Variants in SMG1 observed in about 807,000 individuals in gnomAD.
SMG1 encodes serine/threonine-protein kinase SMG1.
Under a neutral mutation model 419.9 loss-of-function variants are expected in SMG1, and 22 were observed. The ratio of observed to expected loss-of-function variants is 0.05; its 90% CI spans 0.04 to 0.07. The LOEUF is 0.07. SMG1 is among the 10% of genes least tolerant of loss of function. The pLI is 1.00. For missense variants in SMG1, 3,185 were observed against 4,342.0 expected (o/e 0.73, Z 7.49); for synonymous variants, 1,538 against 1,553.5 (o/e 0.99, Z 0.23).
chr16:18,832,285 T>C (rs1433763032), intron 51 of SMG1, among the ~76,000 whole-genome samples: 2 of 152,242 alleles, frequency 1.3e-5, no homozygotes, highest in Admixed American at 6.5e-5. Context: ...GTACAATGCA[T>C]GTCTGCAGGA....
At chr16:18,888,492 T>C (rs1324300308) in intron 6 of SMG1, among the ~76,000 whole-genome samples, 1 of 151,962 alleles carries the variant, frequency 6.6e-6, no homozygotes, top group Non-Finnish European at 1.5e-5. Flanking sequence ...TTTTTTTTTT[T>C]TGAGACAGAG....
chr16:18,925,663 C>T (rs2038366450), intron 1 of SMG1: 1 of 225,824 alleles, frequency 4.4e-6, no homozygotes, highest in Non-Finnish European at 8.6e-6. Flanking sequence ...CACCCCCACC[C>T]CCGCCTCTTT....
intron 3 of SMG1, among the ~76,000 whole-genome samples, chr16:18,895,742 C>T: frequency 6.6e-6 from 1 of 151,830 alleles, no homozygotes; most frequent in Non-Finnish European, 1.5e-5. Context: ...TCTATATCCT[C>T]CACAGGCCCA....
intron 38 of SMG1, among the ~76,000 whole-genome samples, chr16:18,847,034 C>G (rs930181875): frequency 1.4e-5 from 2 of 146,302 alleles, no homozygotes; most frequent in East Asian, 4.0e-4. Context: ...TATAATCATA[C>G]AGTATTATTC....
intron 24 of SMG1, 66 bp from the exon 25 acceptor site, chr16:18,863,917 A>C: frequency 6.3e-7 from 1 of 1,578,530 alleles, no homozygotes. Context: ...CAAAGAGCAC[A>C]GAAACCTAAA....
chr16:18,884,977 T>G, intron 8 of SMG1, 113 bp downstream of exon 8: 1 of 650,078 alleles, frequency 1.5e-6, no homozygotes, highest in East Asian at 2.8e-5. Flanking sequence ...AAAACATTTC[T>G]CTGAATTAGT....
chr16:18,873,038 C>A (rs1316408240), intron 13 of SMG1, among the ~76,000 whole-genome samples: 1 of 151,986 alleles, frequency 6.6e-6, no homozygotes, highest in African/African-American at 2.4e-5. Flanking sequence ...CTTGTAATCC[C>A]AGCTACTCGG....
intron 1 of SMG1, among the ~76,000 whole-genome samples, chr16:18,903,213 T>C (rs531721440): frequency 3.4e-4 from 52 of 152,320 alleles, no homozygotes; most frequent in African/African-American, 1.1e-3. Context: ...GAACCTCTAA[T>C]ATTCTCTATT....
rs775188283 is a variant in SMG1 at position 18,830,325 on chromosome 16, C to T, written c.8837G>A (p.Gly2946Asp). The change falls in exon 52 of 63, where the codon GGT becomes GAT. Residue 2946 changes from glycine to aspartate, a missense_variant. Gly to Asp is a moderately conservative substitution (Grantham distance 94, BLOSUM62 -1). Coordinates refer to ENST00000446231, the MANE Select transcript of SMG1 (RefSeq NM_015092.5). ...CATTTTGGGTGTTTCATCAACTGAA[C>T]CATTTCTCGGTTGGATTAATTCACC... is the stretch of plus-strand genomic sequence containing the variant. ...QYGELIQPRNGSVDETPKMSA... is the reference protein window; with the variant it reads ...QYGELIQPRNDSVDETPKMSA... 2.4e-5 allele frequency: 39 copies of T among 1,613,796 alleles called. No individual in the cohort carries two copies. The highest frequency in any genetic ancestry group is 6.7e-5 in the Admixed American group (4 of 59,988).
Position 18,853,887 on chromosome 16 carries a change from C to T in SMG1, c.4484-20G>A, listed in dbSNP as rs1567372165. ...ACTGGCCTACAGAAAACCACAAAGT[C>T]AGAACTTAGAACCTTTAAAAGCAAA... On this transcript the variant is annotated intron_variant, in intron 30 of 62. Transcript: ENST00000446231. 6.3e-7 allele frequency: 1 copy of T among 1,589,894 alleles called. No individual in the cohort carries two copies. Among genetic ancestry groups the T allele is most frequent in the Non-Finnish European group, 8.6e-7 (1 of 1,166,754 alleles).
Position 18,832,929 on chromosome 16 carries a change from C to T in SMG1, c.8792+11G>A. 1 of 1,604,684 alleles carries T rather than the reference C, an allele frequency of 6.2e-7. No homozygotes were observed. Among genetic ancestry groups the T allele is most frequent in the East Asian group, 2.2e-5 (1 of 44,858 alleles). ...TTTTACAAGGAAACGGCACAGCCAG[C>T]ATTCACTTGCCTGGCAACATCGATG... is the stretch of plus-strand genomic sequence containing the variant. On this transcript the variant is annotated intron_variant, in intron 51 of 62. Transcript: ENST00000446231.
At position 18,870,512 on chromosome 16, in the gene SMG1, T is replaced by C; in HGVS notation, c.2492+98A>G. ...AAACAGGGCCATAAAAGATGTGTCATTAATGCTCTAATAGGTGATCTGTCT... is the reference window on the plus strand; with the variant it reads ...AAACAGGGCCATAAAAGATGTGTCACTAATGCTCTAATAGGTGATCTGTCT... On this transcript the variant is annotated intron_variant, in intron 18 of 62. Coordinates refer to ENST00000446231, the MANE Select transcript of SMG1 (RefSeq NM_015092.5). 4 of 707,150 alleles carry C rather than the reference T, an allele frequency of 5.7e-6. No homozygotes were observed. In the East Asian group the frequency reaches 1.1e-4, roughly 19 times the overall value. The allele number at this position is 707,150 out of a possible 1,614,324, so 43.8% of individuals were successfully genotyped here.
Position 18,845,562 on chromosome 16 carries a change from G to T in SMG1, c.6086C>A (p.Ala2029Glu). ...TTCATGAGGTGTTTCTGCAGGAGCC[G>T]CTGTGATACTCCTCACATGCTCCAA... ...FALEHVRSIT[A>E]APAETPHEKW... Residue 2029 changes from alanine to glutamate, a missense_variant, in exon 39 of 63, where the codon GCG (alanine) becomes GAG (glutamate). Physicochemically the swap from Ala to Glu is moderately radical, Grantham distance 107 (BLOSUM62 -1). Transcript: ENST00000446231. The T allele has an allele frequency of 6.2e-7, 1 of 1,613,770 alleles. No homozygotes were observed. The highest frequency in any genetic ancestry group is 8.5e-7 in the Non-Finnish European group (1 of 1,179,848).
intron 6 of SMG1, among the ~76,000 whole-genome samples, chr16:18,885,912 C>G (rs1201264671): frequency 6.6e-6 from 1 of 151,962 alleles, no homozygotes; most frequent in Non-Finnish European, 1.5e-5. Flanking sequence ...CACTGCTGCA[C>G]TCCAGCCTGG....
Position 18,829,647 on chromosome 16 carries a change from G to A in SMG1, c.9242C>T (p.Pro3081Leu), listed in dbSNP as rs1287040728. The A allele has an allele frequency of 1.2e-6, 2 of 1,613,880 alleles. No homozygotes were observed. Among genetic ancestry groups the A allele is most frequent in the African/African-American group, 2.7e-5 (2 of 74,924 alleles). The stretch of plus-strand genomic sequence containing the variant: ...AAAGTCAGCTGTGAATGCCTTGATA[G>A]GTTTGGCCATTTGGTCTTCACTGAA... ...SCFSEDQMAK[P>L]IKAFTADFVR... The change falls in exon 54 of 63, where the codon CCT becomes CTT. Residue 3081 changes from proline (P) to leucine (L), a missense_variant. Coordinates refer to ENST00000446231, the MANE Select transcript of SMG1 (RefSeq NM_015092.5).
chr16:18,911,701 T>C (rs1028457520), intron 1 of SMG1: 5 of 152,112 alleles, frequency 3.3e-5, no homozygotes, highest in East Asian at 1.9e-4. Flanking sequence ...CAAAAGATCT[T>C]TGTCTTCCCA....
chr16:18,854,624 C>T (rs370606270), intron 30 of SMG1, 32 bp downstream of exon 30: 1 of 1,568,620 alleles, frequency 6.4e-7, no homozygotes, highest in Admixed American at 1.8e-5. Flanking sequence ...TTTTATTATA[C>T]TCATGTATTA....
At chr16:18,820,791 A>C (rs1214666517) in intron 55 of SMG1, among the ~76,000 whole-genome samples, 1 of 152,254 alleles carries the variant, frequency 6.6e-6, no homozygotes, top group Non-Finnish European at 1.5e-5. Context: ...AAAAACTTTT[A>C]AAACATCACA....
rs137956513 is a variant in SMG1, at chr16:18,891,285, T to C, written c.550-364A>G. Among the ~76,000 whole-genome samples, 1,034 of 152,208 alleles carry C rather than the reference T, an allele frequency of 6.8e-3. 9 individuals carry two copies. The highest frequency in any genetic ancestry group is 0.023 in the African/African-American group (971 of 41,512). ...TTAACGACAAAAATTAGATGACGGGTTTAACAGATTCAATGTCAAATTCTT... is the reference window on the plus strand; with the variant it reads ...TTAACGACAAAAATTAGATGACGGGCTTAACAGATTCAATGTCAAATTCTT... On this transcript the variant is annotated intron_variant, in intron 4 of 62. Transcript: ENST00000446231.
Sources: allele counts gnomAD v4.1 joint callset (sites outside exome capture counted in the v4.1 genomes callset), GRCh38; gene constraint gnomAD v4.1.1; transcripts MANE v1.5; gene names NCBI Gene and HGNC (gene_info 2026-07-23, HGNC 2026-07-21).